Variants in NELFB observed in about 807,000 individuals in gnomAD.
NELFB encodes the protein negative elongation factor B.
Under a neutral mutation model 60.2 loss-of-function variants are expected in NELFB, and 34 were observed. That is an observed-to-expected ratio of 0.56 (90% confidence interval 0.43 to 0.75). NELFB has a LOEUF of 0.75. Ranked by LOEUF, NELFB falls within the 30% of genes least tolerant of loss-of-function variation. NELFB has a pLI of 0.00. For missense variants in NELFB, 770 were observed against 831.6 expected (o/e 0.93, Z 0.91); for synonymous variants, 459 against 382.1 (o/e 1.20, Z -2.35).
chr9:137,266,876 G>A, intron 8 of NELFB, 68 bp from the exon 9 acceptor site: 2 of 1,574,950 alleles, frequency 1.3e-6, no homozygotes, highest in South Asian at 1.1e-5. Context: ...GGCAGGGTGT[G>A]TGTCACGTCA....
chr9:137,272,939 GAC>G lies in NELFB; in HGVS notation c.*12_*13del, dbSNP rs1564446468. 3.3e-6 allele frequency: 5 copies of G among 1,504,408 alleles called. No individual in the cohort carries two copies. In the South Asian group the frequency reaches 6.3e-5, roughly 19 times the overall value. The allele number at this position is 1,504,408 out of a possible 1,614,324, so 93.2% of individuals were successfully genotyped here. On this transcript the variant is annotated 3_prime_UTR_variant, in exon 13 of 13. Transcript: ENST00000343053. Reference sequence around the variant, plus strand: ...CCTGCCCCGCTCTGAGGGCCCTCCAGACCTGCTCGGGTGCTGGGGCCATGCCG... The same window carrying G: ...CCTGCCCCGCTCTGAGGGCCCTCCAGCTGCTCGGGTGCTGGGGCCATGCCG...
chr9:137,255,418 C>T lies in NELFB; in HGVS notation c.53C>T (p.Pro18Leu). Residue 18 changes from proline (P) to leucine (L), a missense_variant, in exon 1 of 13, where the codon CCG becomes CTG. Coordinates refer to ENST00000343053, the MANE Select transcript of NELFB (RefSeq NM_015456.5). Reference sequence around the variant, plus strand: ...CGGGGCTCGGGCGGTCCCCGAGGCCCGGCGGAGCGGGCTTCTGGGGTGTCT... The same window carrying T: ...CGGGGCTCGGGCGGTCCCCGAGGCCTGGCGGAGCGGGCTTCTGGGGTGTCT... The T allele has an allele frequency of 8.8e-7, 1 of 1,142,194 alleles. No individual in the cohort carries two copies. Among genetic ancestry groups the T allele is most frequent in the Non-Finnish European group, 1.1e-6 (1 of 871,694 alleles). 70.8% of individuals were successfully genotyped at this position (1,142,194 alleles called of 1,614,324 possible). A position where few individuals can be genotyped will look rare whatever the true frequency, so the allele number is the denominator to read the frequency against.
At chr9:137,263,310 C>G in intron 5 of NELFB, 88 bp downstream of exon 5, 1 of 1,279,334 alleles carries the variant, frequency 7.8e-7, no homozygotes, top group Non-Finnish European at 1.1e-6. Flanking sequence ...CCGGCCCTCC[C>G]TCCTTCCCCC....
intron 10 of NELFB, among the ~76,000 whole-genome samples, chr9:137,268,502 C>G (rs550241159): frequency 9.1e-4 from 139 of 152,300 alleles, no homozygotes; most frequent in African/African-American, 3.1e-3. Flanking sequence ...AGGAGAATCC[C>G]TTGAACCTGG....
chr9:137,260,043 A>G (rs1564442445), intron 4 of NELFB, among the ~76,000 whole-genome samples: 1 of 141,288 alleles, frequency 7.1e-6, no homozygotes, highest in Non-Finnish European at 1.5e-5. Context: ...TTTTATTTTT[A>G]TTTATTTTAT....
Position 137,255,494 on chromosome 9 carries a change from G to T in NELFB, c.129G>T (p.Val43=). ...GGGATGGGGCGCCTAGCCGGGCGGT[G>T]GCCGGGGCCTCGGCCATGTTCGCGG... Residue 43 remains valine, a synonymous_variant, in exon 1 of 13, where the codon GTG becomes GTT. Coordinates refer to ENST00000343053, the MANE Select transcript of NELFB (RefSeq NM_015456.5). 1 of 1,528,620 alleles carries T rather than the reference G, an allele frequency of 6.5e-7. No homozygotes were observed. The highest frequency in any genetic ancestry group is 8.8e-7 in the Non-Finnish European group (1 of 1,139,328). The allele number at this position is 1,528,620 out of a possible 1,614,324, so 94.7% of individuals were successfully genotyped here.
rs376785409 is a variant in NELFB, at chr9:137,264,340, C to T, written c.1023C>T (p.Gly341=). Residue 341 remains glycine, a synonymous_variant, in exon 6 of 13, where the codon GGC becomes GGT. Coordinates refer to ENST00000343053, the MANE Select transcript of NELFB (RefSeq NM_015456.5). ...GGTTTCTCGATGGCGTCAAGAAGGG[C>T]CAGGAGCAGGTGCTGGGGTGAGGGT... 45 of 1,593,662 alleles carry T rather than the reference C, an allele frequency of 2.8e-5. No individual in the cohort carries two copies. The highest frequency in any genetic ancestry group is 3.7e-5 in the Non-Finnish European group (43 of 1,171,830).
rs148970419 is a variant in NELFB at position 137,259,341 on chromosome 9, G to T, written c.741+2287G>T. Among the ~76,000 whole-genome samples the T allele has an allele frequency of 4.8e-3, 729 of 152,362 alleles. 4 individuals carry two copies. Among genetic ancestry groups the T allele is most frequent in the South Asian group, 0.035 (170 of 4,834 alleles). ...TAGTGTGGCTCTGGGTTCCCTTCGG[G>T]CCGTGGTTCCTGACCATGTGCGTGG... On this transcript the variant is annotated intron_variant, in intron 4 of 12. Coordinates refer to ENST00000343053, the MANE Select transcript of NELFB (RefSeq NM_015456.5).
At position 137,255,945 on chromosome 9, in the gene NELFB, C is replaced by G; in HGVS notation, c.285C>G (p.Ala95=). Residue 95 remains alanine (A), a synonymous_variant, in exon 2 of 13, where the codon GCC becomes GCG. Transcript: ENST00000343053. Reference sequence around the variant, plus strand: ...TGCTGCTGCCATCTCTTCAGTCAGCCCTCCCCTTCTTGGACCTGCACGGGA... The same window carrying G: ...TGCTGCTGCCATCTCTTCAGTCAGCGCTCCCCTTCTTGGACCTGCACGGGA... 1.2e-6 allele frequency: 2 copies of G among 1,614,034 alleles called. No homozygotes were observed. Among genetic ancestry groups the G allele is most frequent in the Admixed American group, 1.7e-5 (1 of 60,030 alleles).
chr9:137,268,907 A>G (rs1830551056), intron 10 of NELFB, among the ~76,000 whole-genome samples: 1 of 152,156 alleles, frequency 6.6e-6, no homozygotes, highest in Admixed American at 6.5e-5. Context: ...CAGATGAGAG[A>G]CAGAGCTAGA....
At chr9:137,260,462 T>A (rs1206478526) in intron 4 of NELFB, among the ~76,000 whole-genome samples, 2 of 149,596 alleles carry the variant, frequency 1.3e-5, no homozygotes, top group Admixed American at 6.7e-5. Context: ...GTTTTATTTT[T>A]TTTTTTTTGA....
chr9:137,264,456 G>A (rs1830495006), intron 6 of NELFB, 99 bp downstream of exon 6: 5 of 839,224 alleles, frequency 6.0e-6, no homozygotes, highest in South Asian at 1.5e-5. Context: ...GTTTATTCCC[G>A]GATATTGCTT....
At chr9:137,272,328 T>C (rs1007877343) in intron 11 of NELFB, 106 bp downstream of exon 11, 82 of 1,532,776 alleles carry the variant, frequency 5.3e-5, no homozygotes, top group Non-Finnish European at 6.7e-5. Context: ...GGTCCGCAGG[T>C]GGGTCTGTTG....
At chr9:137,267,979 C>T (rs1830540351) in intron 10 of NELFB, among the ~76,000 whole-genome samples, 1 of 152,322 alleles carries the variant, frequency 6.6e-6, no homozygotes, top group Middle Eastern at 3.4e-3. Flanking sequence ...TCCCCTGCCC[C>T]AGTGCCCCAC....
chr9:137,267,441 C>A, intron 10 of NELFB, 95 bp downstream of exon 10: 1 of 1,031,264 alleles, frequency 9.7e-7, no homozygotes, highest in Admixed American at 2.8e-5. Flanking sequence ...CCCCCAGGAG[C>A]TGCCTTGTCT....
chr9:137,264,869 T>A (rs147155125), intron 6 of NELFB, among the ~76,000 whole-genome samples: 129 of 152,294 alleles, frequency 8.5e-4, no homozygotes, highest in Non-Finnish European at 1.5e-4. Context: ...TCCTCAACTC[T>A]GCATTCTGGA....
intron 9 of NELFB, 27 bp from the exon 10 acceptor site, chr9:137,267,213 G>A (rs1229035832): frequency 6.3e-7 from 1 of 1,575,818 alleles, no homozygotes; most frequent in African/African-American, 1.3e-5. Context: ...TGGGGCTGAG[G>A]TGGGGCTGAT....
At chr9:137,259,931 A>G (rs11531964) in intron 4 of NELFB, among the ~76,000 whole-genome samples, 122,581 of 150,646 alleles carry the variant, frequency 0.81, 50,532 homozygotes, top group East Asian at 1. Flanking sequence ...GGGGTTTCAC[A>G]GTGTTAGCCA....
chr9:137,255,361 G>T lies in NELFB; in HGVS notation c.-5G>T, dbSNP rs1024284520. 26 of 465,596 alleles carry T rather than the reference G, an allele frequency of 5.6e-5. No individual in the cohort carries two copies. Among genetic ancestry groups the T allele is most frequent in the African/African-American group, 5.1e-4 (25 of 48,690 alleles). 28.8% of individuals were successfully genotyped at this position (465,596 alleles called of 1,614,324 possible). A position where few individuals can be genotyped will look rare whatever the true frequency, so the allele number is the denominator to read the frequency against. ...ACGCGCGCGGAGTCGCGCGGCGGGCGGGACCTGGCCGAGCTGGAGGGCGCC... is the reference window on the plus strand; with the variant it reads ...ACGCGCGCGGAGTCGCGCGGCGGGCTGGACCTGGCCGAGCTGGAGGGCGCC... On this transcript the variant is annotated 5_prime_UTR_variant, in exon 1 of 13. Coordinates refer to ENST00000343053, the MANE Select transcript of NELFB (RefSeq NM_015456.5).
Sources: allele counts gnomAD v4.1 joint callset (sites outside exome capture counted in the v4.1 genomes callset), GRCh38; gene constraint gnomAD v4.1.1; transcripts MANE v1.5; gene names NCBI Gene and HGNC (gene_info 2026-07-23, HGNC 2026-07-21).